The following DCC variants were observed in gnomAD, a reference collection of about 807,000 sequenced individuals.
DCC encodes netrin receptor DCC.
In DCC, 58 loss-of-function variants were observed where a neutral mutation model predicts 172.5. The observed-to-expected ratio is 0.34, with a 90% CI of 0.27 to 0.42. DCC has a LOEUF of 0.42. Among genes scored for constraint, DCC ranks in the 10% least tolerant of loss-of-function variants. The pLI, the probability that DCC is intolerant of heterozygous loss-of-function variation, is 1.00. For synonymous variants in DCC, 709 were observed against 644.5 expected (o/e 1.10, Z -1.52); for missense variants, 1,740 against 1,791.0 (o/e 0.97, Z 0.51).
At chr18:53,127,425 A>T (rs1257568008) in intron 7 of DCC, among the ~76,000 whole-genome samples, 1 of 152,048 alleles carries the variant, frequency 6.6e-6, no homozygotes, top group African/African-American at 2.4e-5. Flanking sequence ...GCTCTACATT[A>T]AACTGGCTTC....
chr18:53,529,038 TCACACACACACA>T (rs140593675), intron 28 of DCC, among the ~76,000 whole-genome samples: 76 of 65,256 alleles, frequency 1.2e-3, no homozygotes, highest in African/African-American at 3.6e-3. Context: ...TCTCTCTCTC[TCACACACACACA>T]CACACACACA....
chr18:53,136,247 A>G (rs1568325635), intron 7 of DCC, among the ~76,000 whole-genome samples: 4 of 151,972 alleles, frequency 2.6e-5, no homozygotes, highest in South Asian at 4.1e-4. Flanking sequence ...ACATGCATAT[A>G]TACACACACA....
At chr18:53,352,874 C>G (rs2057829096) in intron 15 of DCC, among the ~76,000 whole-genome samples, 1 of 152,002 alleles carries the variant, frequency 6.6e-6, no homozygotes, top group African/African-American at 2.4e-5. Flanking sequence ...AATCATTCAT[C>G]TTACACTCTT....
At chr18:52,700,480 T>C (rs1348585744) in intron 1 of DCC, among the ~76,000 whole-genome samples, 1 of 152,184 alleles carries the variant, frequency 6.6e-6, no homozygotes, top group Non-Finnish European at 1.5e-5. Flanking sequence ...TCATGCTACA[T>C]CCAGGTAGTC....
chr18:52,468,240 A>G (rs1012787559), intron 1 of DCC, among the ~76,000 whole-genome samples: 4 of 152,238 alleles, frequency 2.6e-5, no homozygotes, highest in East Asian at 3.8e-4. Context: ...CAGAATACAG[A>G]GCAGGAATAC....
intron 5 of DCC, among the ~76,000 whole-genome samples, chr18:53,025,477 G>A (rs952256934): frequency 3.9e-5 from 6 of 152,100 alleles, no homozygotes; most frequent in Admixed American, 3.9e-4. Flanking sequence ...AAAGGCTGAT[G>A]TAATCTGACT....
intron 25 of DCC, among the ~76,000 whole-genome samples, chr18:53,480,236 T>TC: frequency 6.6e-6 from 1 of 152,282 alleles, no homozygotes; most frequent in East Asian, 1.9e-4. Context: ...AAAGTTTCCT[T>TC]CTCACAGTTC....
intron 1 of DCC, among the ~76,000 whole-genome samples, chr18:52,355,424 C>G (rs1480020259): frequency 6.6e-6 from 1 of 152,070 alleles, no homozygotes; most frequent in Non-Finnish European, 1.5e-5. Context: ...TTGGCTCTAC[C>G]AAGATGTAGC....
intron 16 of DCC, among the ~76,000 whole-genome samples, chr18:53,388,794 AT>A (rs1908349575): frequency 2.0e-5 from 3 of 152,030 alleles, no homozygotes; most frequent in South Asian, 2.1e-4. Flanking sequence ...TTTAAAGTTC[AT>A]TTTTTTTGAG....
chr18:53,441,066 G>T (rs1246696998), intron 22 of DCC, among the ~76,000 whole-genome samples: 1 of 152,172 alleles, frequency 6.6e-6, no homozygotes, highest in Non-Finnish European at 1.5e-5. Context: ...CCTCCATGTT[G>T]TAGCAATCCA....
At chr18:53,502,992 C>T (rs565927306) in intron 27 of DCC, among the ~76,000 whole-genome samples, 1 of 152,134 alleles carries the variant, frequency 6.6e-6, no homozygotes, top group Non-Finnish European at 1.5e-5. Flanking sequence ...GCTATTTTTC[C>T]TGATGCTCTT....
chr18:52,811,664 TA>T (rs1051924487), intron 2 of DCC, among the ~76,000 whole-genome samples: 1 of 151,844 alleles, frequency 6.6e-6, no homozygotes, highest in Non-Finnish European at 1.5e-5. Context: ...TTATTAAACA[TA>T]AAAAGAATTG....
At chr18:52,415,205 A>G (rs560212544) in intron 1 of DCC, among the ~76,000 whole-genome samples, 1 of 152,242 alleles carries the variant, frequency 6.6e-6, no homozygotes, top group Non-Finnish European at 1.5e-5. Flanking sequence ...TAACCTTTTC[A>G]TATATTTTTT....
intron 2 of DCC, among the ~76,000 whole-genome samples, chr18:52,890,274 G>A (rs145579939): frequency 3.3e-5 from 5 of 152,200 alleles, no homozygotes; most frequent in African/African-American, 9.6e-5. Context: ...TTATGAGTTG[G>A]GAAAGAGCAA....
intron 2 of DCC, among the ~76,000 whole-genome samples, chr18:52,849,983 A>G (rs867495200): frequency 1.3e-5 from 2 of 152,202 alleles, no homozygotes; most frequent in South Asian, 2.1e-4. Context: ...TCTGGGTAAA[A>G]TAAAATTGGA....
intron 5 of DCC, among the ~76,000 whole-genome samples, chr18:53,027,531 C>T (rs1345806913): frequency 6.6e-6 from 1 of 152,112 alleles, no homozygotes; most frequent in Non-Finnish European, 1.5e-5. Context: ...AATGTCAGTG[C>T]TCTGACAAAA....
At chr18:53,452,985 A>G (rs909300616) in intron 23 of DCC, among the ~76,000 whole-genome samples, 3 of 151,948 alleles carry the variant, frequency 2.0e-5, no homozygotes, top group East Asian at 3.9e-4. Flanking sequence ...GTGCAATCTC[A>G]GCTCACTGCA....
intron 5 of DCC, among the ~76,000 whole-genome samples, chr18:53,023,439 T>C (rs8097318): frequency 0.48 from 66,575 of 138,286 alleles, 16,997 homozygotes; most frequent in Middle Eastern, 0.58. Flanking sequence ...AGATTCTTCT[T>C]ATGCAGCCCA....
At chr18:53,475,729 G>C (rs1349854330) in intron 25 of DCC, among the ~76,000 whole-genome samples, 7 of 152,196 alleles carry the variant, frequency 4.6e-5, no homozygotes, top group Admixed American at 3.9e-4. Context: ...GAGATATGGG[G>C]TCAGAGCCCC....
Sources: allele counts gnomAD v4.1 joint callset (sites outside exome capture counted in the v4.1 genomes callset), GRCh38; gene constraint gnomAD v4.1.1; transcripts MANE v1.5; gene names NCBI Gene and HGNC (gene_info 2026-07-23, HGNC 2026-07-21).